SLIT1: variants seen among roughly 807,000 people sequenced by gnomAD.
SLIT1 encodes slit guidance ligand 1.
A neutral mutation model predicts 186.1 loss-of-function variants in SLIT1; 66 were observed. That is an observed-to-expected ratio of 0.35 (90% CI 0.29 to 0.44). SLIT1 has a LOEUF of 0.44. Ranked by LOEUF, SLIT1 falls within the 20% of genes least tolerant of loss-of-function variation. The probability of loss-of-function intolerance (pLI) is 1.00; values close to 1 mark genes in which losing one functional copy is unlikely to be tolerated. For missense variants in SLIT1, 1,638 were observed against 2,037.4 expected (o/e 0.80, Z 3.77); for synonymous variants, 761 against 833.8 (o/e 0.91, Z 1.50).
chr10:97,037,246 C>T (rs1480305158), intron 22 of SLIT1, among the ~76,000 whole-genome samples: 1 of 152,060 alleles, frequency 6.6e-6, no homozygotes, highest in African/African-American at 2.4e-5. Context: ...AGGCATGTGC[C>T]ACCATGCCCG....
intron 11 of SLIT1, chr10:97,057,952 C>G: frequency 2.8e-6 from 2 of 717,026 alleles, no homozygotes; most frequent in Non-Finnish European, 5.2e-6. Context: ...AAGCTACCCT[C>G]GTAAACGTTC....
Position 97,068,244 on chromosome 10 carries a change from G to A in SLIT1, c.414-2158C>T, listed in dbSNP as rs1314787873. Among the ~76,000 whole-genome samples, 1 of 152,134 alleles carries A rather than the reference G, an allele frequency of 6.6e-6. No homozygotes were observed. Among genetic ancestry groups the A allele is most frequent in the Non-Finnish European group, 1.5e-5 (1 of 68,000 alleles). On this transcript the variant is annotated intron_variant, in intron 4 of 36. Transcript: ENST00000266058. The surrounding 1 kb of genome is among the most constrained non-coding windows in gnomAD (Gnocchi z 4.2). ...TCTCTGGGCTGGGGACTTGCAGCTG[G>A]AGGGAGGAGCCTGGGGTTCGAGGCC... is the stretch of plus-strand genomic sequence containing the variant.
At chr10:97,012,075 TACACAC>T (rs35171328) in intron 30 of SLIT1, among the ~76,000 whole-genome samples, 23,494 of 130,666 alleles carry the variant, frequency 0.18, 1,866 homozygotes, top group Admixed American at 0.23. Context: ...TCAAGCCCAG[TACACAC>T]ACACACACAC....
chr10:97,145,786 G>C (rs527481747), intron 4 of SLIT1, among the ~76,000 whole-genome samples: 3 of 152,138 alleles, frequency 2.0e-5, no homozygotes, highest in African/African-American at 4.8e-5. Flanking sequence ...CAAAGATAAG[G>C]CTTCTCCAAG....
chr10:97,071,650 A>G (rs966994089), intron 4 of SLIT1, among the ~76,000 whole-genome samples: 5 of 152,220 alleles, frequency 3.3e-5, no homozygotes, highest in African/African-American at 9.6e-5. Flanking sequence ...ATGTGACCAC[A>G]TGCCAGGCTG....
chr10:97,074,144 ACT>A (rs1433654538), intron 4 of SLIT1, among the ~76,000 whole-genome samples: 23 of 151,668 alleles, frequency 1.5e-4, no homozygotes, highest in Non-Finnish European at 1.9e-4. Flanking sequence ...TGAAGTACTG[ACT>A]CTGGTGAACG....
chr10:97,016,143 T>C (rs1848453364), intron 28 of SLIT1, among the ~76,000 whole-genome samples: 1 of 152,094 alleles, frequency 6.6e-6, no homozygotes, highest in Non-Finnish European at 1.5e-5. Flanking sequence ...ACCCCGTCTC[T>C]ACTAAAAATA....
In SLIT1 at chr10:97,147,259, G is replaced by A. The variant is rs139968571; in HGVS notation, c.413+10559C>T. Among the ~76,000 whole-genome samples the A allele has an allele frequency of 3.0e-3, 464 of 152,310 alleles. 1 individual carries two copies. The highest frequency in any genetic ancestry group is 0.011 in the African/African-American group (451 of 41,560). ...TTAGAACCAGAAGAGAAGTAGCCAG[G>A]AGCTGCAGGGAGGGGGATGAGGAGC... is the stretch of plus-strand genomic sequence containing the variant. On this transcript the variant is annotated intron_variant, in intron 4 of 36. Coordinates refer to ENST00000266058, the MANE Select transcript of SLIT1 (RefSeq NM_003061.3).
At chr10:97,096,438 C>T (rs946484105) in intron 4 of SLIT1, among the ~76,000 whole-genome samples, 30 of 152,020 alleles carry the variant, frequency 2.0e-4, no homozygotes, top group African/African-American at 7.0e-4. Flanking sequence ...ACTCTCTGAG[C>T]GCACCTCTGG....
chr10:97,021,147 G>A lies in SLIT1; in HGVS notation c.2746+103C>T, dbSNP rs553649288. ...CCTTGTTCCTGTCCCCTGACCCCCC[G>A]CCCAGCGGTCACCACAGGGACGCAG... is the stretch of plus-strand genomic sequence containing the variant. On this transcript the variant is annotated intron_variant, in intron 26 of 36. Coordinates refer to ENST00000266058, the MANE Select transcript of SLIT1 (RefSeq NM_003061.3). The surrounding 1 kb of genome is among the most constrained non-coding windows in gnomAD (Gnocchi z 4.5). 318 of 1,168,882 alleles carry A rather than the reference G, an allele frequency of 2.7e-4. 3 individuals are homozygous for A. The East Asian group carries it at 7.2e-3, about 26-fold the overall frequency. The allele number at this position is 1,168,882 out of a possible 1,614,324, so 72.4% of individuals were successfully genotyped here.
chr10:97,118,629 G>C (rs1441512973), intron 4 of SLIT1, among the ~76,000 whole-genome samples: 2 of 152,138 alleles, frequency 1.3e-5, no homozygotes, highest in African/African-American at 2.4e-5. Context: ...ACATTATTAA[G>C]GGGGAAGGAA....
rs1467143304 is a variant in SLIT1 at position 97,046,778 on chromosome 10, C to A, written c.1729G>T (p.Val577Leu). ...AAGGCCCCATCTTCAATTTCTGACA[C>A]CTTGTTGTTGCTCAGATTGCTGGGA... ...LKKINLSNNKVSEIEDGAFEG... is the reference protein window; with the variant it reads ...LKKINLSNNKLSEIEDGAFEG... The change falls in exon 18 of 37, where the codon GTG becomes TTG. Residue 577 changes from valine (V) to leucine (L), a missense_variant. By Grantham distance (32) the Val-to-Leu change is conservative (BLOSUM62 1). Around this residue, in one of 3 missense-constraint regions of SLIT1, gnomAD observed 1,245 missense variants for 1,535.3 expected, o/e 0.81. Coordinates refer to ENST00000266058, the MANE Select transcript of SLIT1 (RefSeq NM_003061.3). 1.2e-6 allele frequency: 2 copies of A among 1,612,352 alleles called. No individual in the cohort carries two copies. Among genetic ancestry groups the A allele is most frequent in the African/African-American group, 2.7e-5 (2 of 74,950 alleles).
At chr10:97,129,230 C>T (rs895404618) in intron 4 of SLIT1, among the ~76,000 whole-genome samples, 3 of 152,004 alleles carry the variant, frequency 2.0e-5, no homozygotes, top group South Asian at 2.1e-4. Context: ...AGCGAAACCC[C>T]GTCTCTACTA....
Position 97,059,499 on chromosome 10 carries a change from G to A in SLIT1, c.1046C>T (p.Ala349Val), listed in dbSNP as rs1401201186. ...DLSNNQIAEI[A>V]PDAFQGLRSL... ...GCGGAGGCCCTGGAAGGCGTCGGGT[G>A]CAATCTCAGCGATCTGATTGTTGCT... Residue 349 changes from alanine to valine, a missense_variant, in exon 11 of 37, where the codon GCA becomes GTA. Transcript: ENST00000266058. 3 of 1,613,730 alleles carry A rather than the reference G, an allele frequency of 1.9e-6. No individual in the cohort carries two copies. The highest frequency in any genetic ancestry group is 1.3e-5 in the African/African-American group (1 of 74,934).
At position 97,004,519 on chromosome 10, in the gene SLIT1, GC is replaced by G. The variant is rs1319495850; in HGVS notation, c.3710+173del. 1.3e-5 allele frequency among the ~76,000 whole-genome samples: 2 copies of G among 152,110 alleles called. No homozygotes were observed. The highest frequency in any genetic ancestry group is 2.9e-5 in the Non-Finnish European group (2 of 68,002). On this transcript the variant is annotated intron_variant, in intron 33 of 36. Transcript: ENST00000266058. This position sits in a 1 kb window ranked among gnomAD's most constrained non-coding sequence, Gnocchi z 5.1. Reference sequence around the variant, plus strand: ...GGGGAAGGATGGGGCCACTGCACAGGCCTCAGAGACCTCAGCCCCAAGCTGG... The same window carrying G: ...GGGGAAGGATGGGGCCACTGCACAGGCTCAGAGACCTCAGCCCCAAGCTGG...
chr10:97,058,221 G>T, intron 11 of SLIT1: 1 of 627,870 alleles, frequency 1.6e-6, no homozygotes, highest in Non-Finnish European at 2.9e-6. Flanking sequence ...CTGCTGGGTG[G>T]GAAATGGAGC....
At chr10:97,173,407 T>G (rs765275517) in intron 1 of SLIT1, among the ~76,000 whole-genome samples, 21 of 151,688 alleles carry the variant, frequency 1.4e-4, no homozygotes, top group Non-Finnish European at 2.5e-4. Context: ...GTGGCAGAGC[T>G]GGGAAGCCAA....
intron 4 of SLIT1, among the ~76,000 whole-genome samples, chr10:97,092,445 G>GT (rs1236465625): frequency 6.6e-6 from 1 of 152,216 alleles, no homozygotes; most frequent in Non-Finnish European, 1.5e-5. Context: ...AGCCTTTGGG[G>GT]TATCTCATAG....
chr10:97,075,718 C>T (rs933669459), intron 4 of SLIT1, among the ~76,000 whole-genome samples: 1 of 152,142 alleles, frequency 6.6e-6, no homozygotes, highest in Non-Finnish European at 1.5e-5. Flanking sequence ...ATCGTCATCC[C>T]CGGGAAGTTT....
Sources: gnomAD v4.1 joint callset for allele counts (sites outside exome capture counted in the v4.1 genomes callset) on GRCh38, gnomAD v4.1.1 for gene constraint, gnomAD v4.1.1 regional missense constraint, Gnocchi (gnomAD v3.1) non-coding constraint, MANE v1.5 for transcripts, NCBI Gene and HGNC (gene_info 2026-07-23, HGNC 2026-07-21) for gene names.